The following SEMA5B variants were observed in gnomAD, a reference collection of about 807,000 sequenced individuals.
SEMA5B encodes the protein semaphorin-5B.
A neutral mutation model predicts 135.0 loss-of-function variants in SEMA5B; 66 were observed. The ratio of observed to expected loss-of-function variants is 0.49; its 90% CI spans 0.40 to 0.60. SEMA5B has a LOEUF of 0.60. Among genes scored for constraint, SEMA5B ranks in the 20% least tolerant of loss-of-function variants. SEMA5B has a pLI of 0.00. For synonymous variants in SEMA5B, 690 were observed against 639.5 expected (o/e 1.08, Z -1.19); for missense variants, 1,501 against 1,566.3 (o/e 0.96, Z 0.70).
intron 1 of SEMA5B, among the ~76,000 whole-genome samples, chr3:122,965,860 G>C (rs951376422): frequency 3.3e-5 from 5 of 152,242 alleles, no homozygotes; most frequent in African/African-American, 1.2e-4. Flanking sequence ...GAACTGGAAA[G>C]CAGATAGTAG....
chr3:122,963,418 AG>A (rs945119330), intron 1 of SEMA5B, among the ~76,000 whole-genome samples: 5 of 151,628 alleles, frequency 3.3e-5, no homozygotes, highest in Admixed American at 2.0e-4. Context: ...ACTTGAACCC[AG>A]GAGGCGGAGG....
At chr3:122,996,159 G>A (rs1014020099) in intron 1 of SEMA5B, among the ~76,000 whole-genome samples, 19 of 152,236 alleles carry the variant, frequency 1.2e-4, no homozygotes, top group African/African-American at 4.6e-4. Flanking sequence ...GGTCCCAAGG[G>A]AGGGGGCAGC....
At chr3:122,936,954 T>C (rs1407329570) in intron 5 of SEMA5B, among the ~76,000 whole-genome samples, 1 of 152,270 alleles carries the variant, frequency 6.6e-6, no homozygotes, top group African/African-American at 2.4e-5. Flanking sequence ...TAATGGATAC[T>C]CGTTTGCAAA....
intron 5 of SEMA5B, among the ~76,000 whole-genome samples, chr3:122,935,102 T>C (rs1387033433): frequency 6.6e-6 from 1 of 152,162 alleles, no homozygotes; most frequent in South Asian, 2.1e-4. Flanking sequence ...AAAAAAAGCA[T>C]CTTTGTTTGT....
chr3:122,932,502 A>G (rs1367719534), intron 5 of SEMA5B, among the ~76,000 whole-genome samples: 1 of 151,952 alleles, frequency 6.6e-6, no homozygotes, highest in African/African-American at 2.4e-5. Flanking sequence ...AAATATCCCT[A>G]TCATATCTCG....
At chr3:122,939,562 A>G in intron 4 of SEMA5B, 92 bp from the exon 5 acceptor site, 2 of 948,564 alleles carry the variant, frequency 2.1e-6, no homozygotes, top group Admixed American at 1.8e-5. Context: ...CTGGGACGCC[A>G]GGACTGGGTG....
intron 5 of SEMA5B, among the ~76,000 whole-genome samples, chr3:122,929,269 C>T (rs1938824512): frequency 6.6e-6 from 1 of 152,196 alleles, no homozygotes; most frequent in African/African-American, 2.4e-5. Flanking sequence ...AGGTGGGCAC[C>T]CTCAGCCCAA....
intron 1 of SEMA5B, among the ~76,000 whole-genome samples, chr3:122,970,001 A>T (rs1941042389): frequency 6.6e-6 from 1 of 152,084 alleles, no homozygotes; most frequent in Non-Finnish European, 1.5e-5. Context: ...TTTCCTGCAG[A>T]GTTGGGTGGC....
At chr3:122,930,925 C>T (rs1446922254) in intron 5 of SEMA5B, among the ~76,000 whole-genome samples, 1 of 152,208 alleles carries the variant, frequency 6.6e-6, no homozygotes, top group Non-Finnish European at 1.5e-5. Context: ...CTACATCCTG[C>T]AGCCTCTCAC....
At chr3:122,953,081 C>T (rs1374728508) in intron 2 of SEMA5B, among the ~76,000 whole-genome samples, 1 of 152,240 alleles carries the variant, frequency 6.6e-6, no homozygotes, top group Admixed American at 6.5e-5. Context: ...GGGACCCTGA[C>T]TGATAGAACA....
Position 122,914,006 on chromosome 3 carries a change from C to G in SEMA5B, c.1989-5G>C. ...CACGGGGTCCACGCCCCATTCCTGGCGGGGTGGGAGGGGACAGAGACAGAT... is the reference window on the plus strand; with the variant it reads ...CACGGGGTCCACGCCCCATTCCTGGGGGGGTGGGAGGGGACAGAGACAGAT... On this transcript the variant is annotated splice_region_variant and splice_polypyrimidine_tract_variant and intron_variant, in intron 14 of 22. Coordinates refer to ENST00000357599, the MANE Select transcript of SEMA5B (RefSeq NM_001031702.4). The G allele has an allele frequency of 6.3e-7, 1 of 1,577,284 alleles. No individual in the cohort carries two copies. Among genetic ancestry groups the G allele is most frequent in the Non-Finnish European group, 8.6e-7 (1 of 1,160,086 alleles).
chr3:123,023,987 G>A (rs897835293), intron 1 of SEMA5B, among the ~76,000 whole-genome samples: 19 of 152,330 alleles, frequency 1.2e-4, no homozygotes, highest in Admixed American at 6.5e-4. Context: ...CCAGGGTATA[G>A]GTGGTGGGGC....
Position 122,913,333 on chromosome 3 carries a change from C to A in SEMA5B, c.2372G>T (p.Gly791Val). 6.3e-7 allele frequency: 1 copy of A among 1,578,120 alleles called. No individual in the cohort carries two copies. Among genetic ancestry groups the A allele is most frequent in the Non-Finnish European group, 8.5e-7 (1 of 1,170,076 alleles). The part of the protein sequence containing the change: ...PWLPVNVTQG[G>V]ARQEQRFRFT... ...GCGGAACCGCTGCTCCTGCCGTGCCCCGCCCTGCGTCACGTTCACGGGCAG... is the reference window on the plus strand; with the variant it reads ...GCGGAACCGCTGCTCCTGCCGTGCCACGCCCTGCGTCACGTTCACGGGCAG... Residue 791 changes from glycine (G) to valine (V), a missense_variant, in exon 17 of 23, where the codon GGG becomes GTG. By Grantham distance (109) the Gly-to-Val change is moderately radical (BLOSUM62 -3). Coordinates refer to ENST00000357599, the MANE Select transcript of SEMA5B (RefSeq NM_001031702.4).
intron 1 of SEMA5B, among the ~76,000 whole-genome samples, chr3:122,992,621 C>T (rs73856797): frequency 0.024 from 3,580 of 152,268 alleles, 135 homozygotes; most frequent in African/African-American, 0.08. Context: ...CTCCTCACCC[C>T]CTATTGGCCC....
rs199618387 is a variant in SEMA5B, at chr3:122,913,655, G to A, written c.2159C>T (p.Pro720Leu). Residue 720 changes from proline (P) to leucine (L), a missense_variant, in exon 16 of 23, where the codon CCG becomes CTG. Around this residue, in one of 2 missense-constraint regions of SEMA5B, gnomAD observed 927 missense variants for 881.6 expected, o/e 1.05. Transcript: ENST00000357599. ...ERFCNENTPCPVPIFWASWGS... is the reference protein window; with the variant it reads ...ERFCNENTPCLVPIFWASWGS... ...CCAGGAAGCCCAGAAGATGGGCACCGGGCAAGGCGTGTTCTCATTACAGAA... is the reference window on the plus strand; with the variant it reads ...CCAGGAAGCCCAGAAGATGGGCACCAGGCAAGGCGTGTTCTCATTACAGAA... The A allele has an allele frequency of 6.2e-7, 1 of 1,613,580 alleles. No homozygotes were observed. Among genetic ancestry groups the A allele is most frequent in the African/African-American group, 1.3e-5 (1 of 74,940 alleles).
intron 1 of SEMA5B, among the ~76,000 whole-genome samples, chr3:123,016,270 G>A (rs1374094875): frequency 6.6e-6 from 1 of 152,188 alleles, no homozygotes; most frequent in African/African-American, 2.4e-5. Context: ...TATTCTGTAG[G>A]AAAGGCAACT....
intron 7 of SEMA5B, 61 bp from the exon 8 acceptor site, chr3:122,928,064 C>T: frequency 7.8e-7 from 1 of 1,279,804 alleles, no homozygotes; most frequent in Admixed American, 2.8e-5. Context: ...CCTGTTCTTT[C>T]CATCTGAGTT....
chr3:122,913,717 G>A lies in SEMA5B; in HGVS notation c.2133-36C>T, dbSNP rs1937907170. Reference sequence around the variant, plus strand: ...GGGAGAGGCGTCAATCCAGGGAGGGGGACCCCCTTCCCTGACGAGAGGTCC... The same window carrying A: ...GGGAGAGGCGTCAATCCAGGGAGGGAGACCCCCTTCCCTGACGAGAGGTCC... On this transcript the variant is annotated intron_variant, in intron 15 of 22. Coordinates refer to ENST00000357599, the MANE Select transcript of SEMA5B (RefSeq NM_001031702.4). 1.2e-5 allele frequency: 20 copies of A among 1,606,552 alleles called. 1 individual carries two copies. The East Asian group carries it at 4.5e-4, about 36-fold the overall frequency.
intron 5 of SEMA5B, among the ~76,000 whole-genome samples, chr3:122,934,438 G>A (rs1264772123): frequency 6.6e-6 from 1 of 152,160 alleles, no homozygotes; most frequent in Non-Finnish European, 1.5e-5. Flanking sequence ...ACAGGGAAGA[G>A]AGCAACATGT....
Sources: allele counts gnomAD v4.1 joint callset (sites outside exome capture counted in the v4.1 genomes callset), GRCh38; gene constraint gnomAD v4.1.1; regional missense constraint gnomAD v4.1.1; transcripts MANE v1.5; gene names NCBI Gene and HGNC (gene_info 2026-07-23, HGNC 2026-07-21).